SLC35F1: variants seen among roughly 807,000 people sequenced by gnomAD.
The protein encoded by SLC35F1 is chromosome 6 open reading frame 169.
In SLC35F1, 14 loss-of-function variants were observed where a neutral mutation model predicts 48.7. That is an observed-to-expected ratio of 0.29 (90% confidence interval 0.19 to 0.45). The LOEUF (loss-of-function observed/expected upper bound fraction) is 0.45. Among genes scored for constraint, SLC35F1 ranks in the 20% least tolerant of loss-of-function variants. The probability of loss-of-function intolerance (pLI) is 1.00; values close to 1 mark genes in which losing one functional copy is unlikely to be tolerated. For missense variants in SLC35F1, 404 were observed against 500.0 expected, an observed-to-expected ratio of 0.81 and a Z score of 1.83; for synonymous variants, 190 against 202.2, an observed-to-expected ratio of 0.94 and a Z score of 0.51.
At chr6:118,225,407 A>G (rs1224522040) in intron 2 of SLC35F1, among the ~76,000 whole-genome samples, 4 of 152,240 alleles carry the variant, frequency 2.6e-5, no homozygotes, top group Admixed American at 2.6e-4. Context: ...AGTCTCTTCA[A>G]TAAATGATCC....
chr6:118,004,788 A>G (rs116535229), intron 1 of SLC35F1, among the ~76,000 whole-genome samples: 1,562 of 151,940 alleles, frequency 0.01, 25 homozygotes, highest in African/African-American at 0.036. Context: ...GCCTCAAGTG[A>G]TCCTCCCGCC....
intron 1 of SLC35F1, among the ~76,000 whole-genome samples, chr6:118,052,850 T>C (rs1772410098): frequency 1.3e-5 from 2 of 152,204 alleles, no homozygotes; most frequent in Non-Finnish European, 1.5e-5. Context: ...AAATGTAGTT[T>C]CTTTCCCTAT....
intron 4 of SLC35F1, among the ~76,000 whole-genome samples, chr6:118,268,413 G>A (rs1399281287): frequency 6.6e-6 from 1 of 151,806 alleles, no homozygotes; most frequent in Non-Finnish European, 1.5e-5. Context: ...GTGTTTCCCA[G>A]ATTCTCTTCT....
chr6:118,029,959 G>A (rs1395842959), intron 1 of SLC35F1, among the ~76,000 whole-genome samples: 1 of 152,162 alleles, frequency 6.6e-6, no homozygotes. Flanking sequence ...GAAGAGAGAA[G>A]TAATGTCAGT....
chr6:117,999,115 G>A, intron 1 of SLC35F1: 1 of 1,582,150 alleles, frequency 6.3e-7, no homozygotes, highest in Middle Eastern at 1.7e-4. Context: ...GCTTTGCCAA[G>A]AAGCACAACA....
intron 3 of SLC35F1, among the ~76,000 whole-genome samples, chr6:118,240,276 T>C (rs1775420227): frequency 6.6e-6 from 1 of 152,158 alleles, no homozygotes; most frequent in Non-Finnish European, 1.5e-5. Flanking sequence ...GCAGAGATGA[T>C]AGTTGAAGAA....
At chr6:118,046,637 T>C (rs1466583021) in intron 1 of SLC35F1, among the ~76,000 whole-genome samples, 2 of 152,148 alleles carry the variant, frequency 1.3e-5, no homozygotes, top group Non-Finnish European at 2.9e-5. Context: ...TTGTGAGAAT[T>C]AAATGAGAAA....
intron 2 of SLC35F1, among the ~76,000 whole-genome samples, chr6:118,215,156 G>GA (rs199946620): frequency 4.4e-4 from 67 of 150,712 alleles, no homozygotes; most frequent in Admixed American, 6.6e-4. Context: ...AAAACCTGGG[G>GA]AAAAAAAAAT....
chr6:118,253,297 C>T (rs977911119), intron 3 of SLC35F1, among the ~76,000 whole-genome samples: 1 of 151,904 alleles, frequency 6.6e-6, no homozygotes, highest in Non-Finnish European at 1.5e-5. Context: ...GTTGAGAGCA[C>T]CAAAAGAAGG....
At chr6:118,230,069 T>C (rs769513815) in intron 2 of SLC35F1, among the ~76,000 whole-genome samples, 35 of 152,324 alleles carry the variant, frequency 2.3e-4, no homozygotes, top group Non-Finnish European at 4.3e-4. Context: ...CAGCCAGGCA[T>C]GGTGGCTCTT....
At chr6:118,267,964 G>A (rs1426883261) in intron 4 of SLC35F1, among the ~76,000 whole-genome samples, 1 of 152,072 alleles carries the variant, frequency 6.6e-6, no homozygotes, top group African/African-American at 2.4e-5. Context: ...CATTAGAAAT[G>A]GGATAGAAAG....
chr6:118,085,981 T>C (rs1444897850), intron 1 of SLC35F1, among the ~76,000 whole-genome samples: 5 of 152,106 alleles, frequency 3.3e-5, no homozygotes, highest in Admixed American at 6.6e-5. Context: ...AAGGAGTCAC[T>C]GATGAAACTC....
At chr6:117,966,763 G>T (rs755674054) in intron 1 of SLC35F1, among the ~76,000 whole-genome samples, 1 of 152,036 alleles carries the variant, frequency 6.6e-6, no homozygotes, top group Non-Finnish European at 1.5e-5. Flanking sequence ...TCCTCTTCTT[G>T]TAAAGCCATT....
At chr6:118,217,801 ACT>A (rs1775095269) in intron 2 of SLC35F1, among the ~76,000 whole-genome samples, 1 of 152,008 alleles carries the variant, frequency 6.6e-6, no homozygotes, top group Non-Finnish European at 1.5e-5. Context: ...CTTAATTTAA[ACT>A]CTGGTAGGAT....
intron 3 of SLC35F1, among the ~76,000 whole-genome samples, chr6:118,242,943 T>TAA (rs1310192025): frequency 6.6e-6 from 1 of 152,232 alleles, no homozygotes; most frequent in Non-Finnish European, 1.5e-5. Flanking sequence ...TCAGATTCTT[T>TAA]AAGCAGTTTC....
chr6:118,209,593 C>T (rs2114546616), intron 2 of SLC35F1, among the ~76,000 whole-genome samples: 1 of 151,706 alleles, frequency 6.6e-6, no homozygotes, highest in Admixed American at 6.6e-5. Context: ...ATTTAAATGC[C>T]CAGAATTTTG....
At chr6:118,071,050 T>A (rs1364401613) in intron 1 of SLC35F1, among the ~76,000 whole-genome samples, 61 of 64,314 alleles carry the variant, frequency 9.5e-4, no homozygotes, top group South Asian at 2.5e-3. Context: ...ATACACATAG[T>A]ATATATATTC....
At chr6:118,184,959 T>C (rs1351303319) in intron 2 of SLC35F1, among the ~76,000 whole-genome samples, 1 of 152,168 alleles carries the variant, frequency 6.6e-6, no homozygotes, top group East Asian at 1.9e-4. Flanking sequence ...AGTCAGGAGA[T>C]TTAGTCACCA....
chr6:118,216,088 T>TTTG (rs1381915563), intron 2 of SLC35F1, among the ~76,000 whole-genome samples: 3 of 150,246 alleles, frequency 2.0e-5, no homozygotes, highest in Non-Finnish European at 4.4e-5. Flanking sequence ...TGTTTTTTGT[T>TTTG]TTTTTTTTTT....
Sources: allele counts gnomAD v4.1 joint callset (sites outside exome capture counted in the v4.1 genomes callset), GRCh38; gene constraint gnomAD v4.1.1; transcripts MANE v1.5; gene names NCBI Gene and HGNC (gene_info 2026-07-23, HGNC 2026-07-21).